The following MEI4 variants were observed in gnomAD, a reference collection of about 807,000 sequenced individuals.
MEI4 encodes the protein meiosis-specific protein MEI4.
MEI4 carries 27 observed loss-of-function variants against 31.4 expected under a neutral mutation model. That is an observed-to-expected ratio of 0.86 (90% CI 0.63 to 1.19). MEI4 has a LOEUF of 1.19. Among genes scored for constraint, MEI4 ranks in the 50% most tolerant of loss-of-function variants. MEI4 has a pLI of 0.00. For missense variants in MEI4, 329 were observed against 398.9 expected, an observed-to-expected ratio of 0.82 and a Z score of 1.49; for synonymous variants, 122 against 145.4, an observed-to-expected ratio of 0.84 and a Z score of 1.16.
intron 2 of MEI4, among the ~76,000 whole-genome samples, chr6:77,716,132 T>C (rs1456649554): frequency 5.3e-5 from 8 of 152,340 alleles, no homozygotes; most frequent in African/African-American, 1.9e-4. Context: ...ATATGGCACT[T>C]TCTCTTTGGA....
intron 3 of MEI4, among the ~76,000 whole-genome samples, chr6:77,767,932 A>G (rs935949787): frequency 6.6e-6 from 1 of 152,214 alleles, no homozygotes; most frequent in African/African-American, 2.4e-5. Context: ...TCTTCAATTT[A>G]CTTTCAAAGT....
chr6:77,861,985 C>T (rs1476653338), intron 4 of MEI4, among the ~76,000 whole-genome samples: 3 of 151,294 alleles, frequency 2.0e-5, no homozygotes, highest in Admixed American at 1.3e-4. Context: ...TAACCAAACA[C>T]ATTTTGGGAA....
rs138750495 is a variant in MEI4, at chr6:77,729,344, C to T, written c.233-31786C>T. Reference sequence around the variant, plus strand: ...GATTTCAAAATCGAAAAAGTTGCAACGTTAGGCATAAATGGGTTATTAAAA... The same window carrying T: ...GATTTCAAAATCGAAAAAGTTGCAATGTTAGGCATAAATGGGTTATTAAAA... On this transcript the variant is annotated intron_variant, in intron 2 of 4. Coordinates refer to ENST00000684080, the MANE Select transcript of MEI4 (RefSeq NM_001322247.2). Among the ~76,000 whole-genome samples, 393 of 152,224 alleles carry T rather than the reference C, an allele frequency of 2.6e-3. 2 individuals carry two copies. The highest frequency in any genetic ancestry group is 8.8e-3 in the African/African-American group (364 of 41,526).
At chr6:77,650,309 G>A (rs756192304), upstream of MEI4, among the ~76,000 whole-genome samples, 4 of 152,198 alleles carry the variant, frequency 2.6e-5, no homozygotes, top group African/African-American at 4.8e-5. Flanking sequence ...TGGAGCACTC[G>A]TCTCCTCCTC....
chr6:77,675,019 T>G (rs6922189), intron 1 of MEI4, among the ~76,000 whole-genome samples: 51,738 of 151,854 alleles, frequency 0.34, 9,093 homozygotes, highest in African/African-American at 0.4. Flanking sequence ...CATTGCTTAA[T>G]AGTATTTGTT....
intron 4 of MEI4, among the ~76,000 whole-genome samples, chr6:77,851,608 G>A (rs1015586851): frequency 1.7e-5 from 2 of 120,710 alleles, no homozygotes. Context: ...ACAGGAAGGG[G>A]AACATCACAT....
chr6:77,742,375 T>C (rs1158097867), intron 2 of MEI4, among the ~76,000 whole-genome samples: 3 of 152,118 alleles, frequency 2.0e-5, no homozygotes, highest in Non-Finnish European at 4.4e-5. Context: ...TGGCCAGTGA[T>C]GGTGAGCATT....
chr6:77,870,264 A>G (rs183681781), intron 4 of MEI4, among the ~76,000 whole-genome samples: 7 of 152,288 alleles, frequency 4.6e-5, no homozygotes, highest in East Asian at 1.9e-4. Flanking sequence ...ACAGCTCCCA[A>G]TCACACAGTC....
intron 1 of MEI4, among the ~76,000 whole-genome samples, chr6:77,670,672 T>A (rs1185629343): frequency 6.6e-6 from 1 of 152,182 alleles, no homozygotes; most frequent in Non-Finnish European, 1.5e-5. Flanking sequence ...CATTGCTTGT[T>A]CCTTTGTTTC....
At chr6:77,842,033 C>T (rs775959844) in intron 4 of MEI4, among the ~76,000 whole-genome samples, 9 of 152,014 alleles carry the variant, frequency 5.9e-5, no homozygotes, top group Non-Finnish European at 1.2e-4. Flanking sequence ...TAAAATCAGG[C>T]ATAAAATCAG....
At chr6:77,761,029 A>G (rs774040059) in intron 2 of MEI4, 101 bp from the exon 3 acceptor site, 1 of 791,354 alleles carries the variant, frequency 1.3e-6, no homozygotes. Context: ...ATGTGTATTT[A>G]TATACTTCAT....
chr6:77,910,039 G>T (rs528865762), intron 4 of MEI4, among the ~76,000 whole-genome samples: 3 of 152,192 alleles, frequency 2.0e-5, no homozygotes, highest in African/African-American at 7.2e-5. Context: ...AATAAATTAG[G>T]TATTGATGGG....
chr6:77,743,866 A>G (rs1001045870), intron 2 of MEI4, among the ~76,000 whole-genome samples: 8 of 152,378 alleles, frequency 5.3e-5, no homozygotes, highest in South Asian at 2.1e-4. Flanking sequence ...CAGGGTGTGC[A>G]GTGGACCTCT....
At chr6:77,693,226 C>T (rs1422490280) in intron 2 of MEI4, among the ~76,000 whole-genome samples, 1 of 152,004 alleles carries the variant, frequency 6.6e-6, no homozygotes, top group Non-Finnish European at 1.5e-5. Flanking sequence ...ATAATGGGCT[C>T]TTTGAGTATA....
intron 4 of MEI4, among the ~76,000 whole-genome samples, chr6:77,904,290 G>T (rs1170291192): frequency 2.0e-5 from 3 of 152,042 alleles, no homozygotes; most frequent in Non-Finnish European, 4.4e-5. Flanking sequence ...TGATAACAAC[G>T]TAGCTTTAAT....
chr6:77,737,896 T>G (rs1767294032), intron 2 of MEI4, among the ~76,000 whole-genome samples: 1 of 152,074 alleles, frequency 6.6e-6, no homozygotes, highest in Non-Finnish European at 1.5e-5. Flanking sequence ...AATGGTGAAT[T>G]TTTTTGGACG....
chr6:77,815,676 G>C (rs747052167), intron 3 of MEI4, among the ~76,000 whole-genome samples: 1 of 152,094 alleles, frequency 6.6e-6, no homozygotes, highest in Non-Finnish European at 1.5e-5. Flanking sequence ...TCTGAGAACT[G>C]CAATAATGAA....
chr6:77,901,049 C>A (rs975503100), intron 4 of MEI4, among the ~76,000 whole-genome samples: 1 of 151,882 alleles, frequency 6.6e-6, no homozygotes, highest in African/African-American at 2.4e-5. Flanking sequence ...ATTTTCTTTT[C>A]TTTTTTAAGG....
At chr6:77,850,582 T>G (rs1582213514) in intron 4 of MEI4, among the ~76,000 whole-genome samples, 1 of 152,190 alleles carries the variant, frequency 6.6e-6, no homozygotes, top group Non-Finnish European at 1.5e-5. Flanking sequence ...TGGCTAGCCA[T>G]ATGTAGAAAG....
Sources: allele counts gnomAD v4.1 joint callset (sites outside exome capture counted in the v4.1 genomes callset), GRCh38; gene constraint gnomAD v4.1.1; transcripts MANE v1.5; gene names NCBI Gene and HGNC (gene_info 2026-07-23, HGNC 2026-07-21).